XIRP2: variants seen among roughly 807,000 people sequenced by gnomAD.
XIRP2 encodes the protein xin actin-binding repeat-containing protein 2.
Under a neutral mutation model 277.0 loss-of-function variants are expected in XIRP2, and 236 were observed. That is an observed-to-expected ratio of 0.85 (90% CI 0.77 to 0.95). The LOEUF is 0.95. Among genes scored for constraint, XIRP2 ranks in the 40% least tolerant of loss-of-function variants. The probability of loss-of-function intolerance (pLI) is 0.00; values close to 1 mark genes in which losing one functional copy is unlikely to be tolerated. For synonymous variants in XIRP2, 1,490 were observed against 1,416.5 expected (o/e 1.05, Z -1.17); for missense variants, 4,640 against 4,157.5 (o/e 1.12, Z -3.19).
intron 2 of XIRP2, among the ~76,000 whole-genome samples, chr2:166,987,218 T>C (rs1250830701): frequency 6.6e-6 from 1 of 152,138 alleles, no homozygotes; most frequent in Non-Finnish European, 1.5e-5. Context: ...ACTACCTGAG[T>C]CACTTTTGTC....
In XIRP2 at chr2:167,249,365, A is replaced by G. The variant is rs1366411520; in HGVS notation, c.7973A>G (p.Glu2658Gly). 6.2e-7 allele frequency: 1 copy of G among 1,613,796 alleles called. No homozygotes were observed. The highest frequency in any genetic ancestry group is 1.7e-5 in the Admixed American group (1 of 59,968). ...ASEDKDKMKKEVLQSSRDIMQ... is the reference protein window; with the variant it reads ...ASEDKDKMKKGVLQSSRDIMQ... Reference sequence around the variant, plus strand: ...GAAGACAAAGATAAGATGAAAAAGGAAGTTTTACAAAGCTCAAGGGACATT... The same window carrying G: ...GAAGACAAAGATAAGATGAAAAAGGGAGTTTTACAAAGCTCAAGGGACATT... Residue 2658 changes from glutamate (E) to glycine (G), a missense_variant, in exon 9 of 11, where the codon GAA (glutamate) becomes GGA (glycine). Transcript: ENST00000409195.
At chr2:167,201,343 A>G (rs1009501634) in intron 3 of XIRP2, among the ~76,000 whole-genome samples, 2 of 151,178 alleles carry the variant, frequency 1.3e-5, no homozygotes, top group African/African-American at 2.4e-5. Context: ...GAAGGAAGGA[A>G]AGAAGGAAGG....
At chr2:167,034,394 CAA>C in intron 2 of XIRP2, among the ~76,000 whole-genome samples, 1 of 150,714 alleles carries the variant, frequency 6.6e-6, no homozygotes, top group South Asian at 2.1e-4. Flanking sequence ...CACAGAATAA[CAA>C]AAGAAATCAC....
In XIRP2 at chr2:167,258,897, C is replaced by T. The variant is rs199645572; in HGVS notation, c.*1080C>T. ...CTAGCAATGGCTCTGAAGAAACAGA[C>T]TGACAGAGCAGCTGCTGGCAGTCCT... is the stretch of plus-strand genomic sequence containing the variant. On this transcript the variant is annotated 3_prime_UTR_variant, in exon 11 of 11. Coordinates refer to ENST00000409195, the MANE Select transcript of XIRP2 (RefSeq NM_152381.6). The T allele has an allele frequency of 1.3e-4, 217 of 1,612,834 alleles. No homozygotes were observed. Among genetic ancestry groups the T allele is most frequent in the Non-Finnish European group, 1.8e-4 (209 of 1,179,604 alleles).
intron 3 of XIRP2, among the ~76,000 whole-genome samples, chr2:167,171,199 C>T (rs1450598378): frequency 2.0e-5 from 3 of 152,138 alleles, no homozygotes. Context: ...TGCACCCGCC[C>T]TCTTTATTTT....
At chr2:167,075,238 A>G (rs1204394013) in intron 2 of XIRP2, among the ~76,000 whole-genome samples, 1 of 152,126 alleles carries the variant, frequency 6.6e-6, no homozygotes, top group Non-Finnish European at 1.5e-5. Context: ...AAAGGCAGGG[A>G]AAAAGCATGA....
chr2:167,064,227 T>G (rs1689243877), intron 2 of XIRP2, among the ~76,000 whole-genome samples: 1 of 151,904 alleles, frequency 6.6e-6, no homozygotes, highest in Non-Finnish European at 1.5e-5. Context: ...TAATTTTTAA[T>G]GATCCAATTT....
intron 3 of XIRP2, among the ~76,000 whole-genome samples, chr2:167,208,411 C>T (rs1693920506): frequency 6.6e-6 from 1 of 152,150 alleles, no homozygotes; most frequent in Non-Finnish European, 1.5e-5. Context: ...GGGTTCACGC[C>T]ATTCTCCTGC....
Position 167,247,752 on chromosome 2 carries a change from C to T in XIRP2, c.6360C>T (p.Thr2120=), listed in dbSNP as rs754338889. ...ATTCCATCCAATCTGCTGGTAAAAC[C>T]GTTGGAAAGCAACAGACATATGAAC... is the stretch of plus-strand genomic sequence containing the variant. The part of the protein sequence containing the change: ...VFNSIQSAGK[T]VGKQQTYELR... Residue 2120 remains threonine, a synonymous_variant, in exon 9 of 11, where the codon ACC becomes ACT. Coordinates refer to ENST00000409195, the MANE Select transcript of XIRP2 (RefSeq NM_152381.6). 13 of 1,613,244 alleles carry T rather than the reference C, an allele frequency of 8.1e-6. No individual in the cohort carries two copies. Among genetic ancestry groups the T allele is most frequent in the Middle Eastern group, 1.6e-4 (1 of 6,076 alleles).
intron 2 of XIRP2, among the ~76,000 whole-genome samples, chr2:167,102,632 T>C (rs562171097): frequency 4.5e-4 from 69 of 152,274 alleles, no homozygotes; most frequent in African/African-American, 1.6e-3. Flanking sequence ...TTAGATAGAA[T>C]AAAAAGTGTA....
At position 167,249,224 on chromosome 2, in the gene XIRP2, G is replaced by GC. The variant is rs779446924; in HGVS notation, c.7835dup (p.Gly2613ArgfsTer5). 29 of 1,613,688 alleles carry GC rather than the reference G, an allele frequency of 1.8e-5. No individual in the cohort carries two copies. Among genetic ancestry groups the GC allele is most frequent in the Non-Finnish European group, 2.4e-5 (28 of 1,179,770 alleles). On this transcript the variant is annotated frameshift_variant, in exon 9 of 11. Coordinates refer to ENST00000409195, the MANE Select transcript of XIRP2 (RefSeq NM_152381.6). LOFTEE classifies it high-confidence loss of function. ...TCAGAATGCACTGTGGTTCAACCCA[G>GC]CCCAGGCTCTCAAAGTAATGCTCGG...
intron 2 of XIRP2, among the ~76,000 whole-genome samples, chr2:166,983,815 T>C (rs143939950): frequency 6.0e-4 from 91 of 152,344 alleles, no homozygotes; most frequent in Non-Finnish European, 1.1e-3. Context: ...AGAATGACTA[T>C]GATTTATTGT....
chr2:167,177,866 GATT>G (rs1464079413), intron 3 of XIRP2, among the ~76,000 whole-genome samples: 4 of 152,048 alleles, frequency 2.6e-5, no homozygotes, highest in Non-Finnish European at 5.9e-5. Context: ...ACAGGTTTGA[GATT>G]ATTGATTGCA....
At chr2:166,998,356 G>T (rs371188362) in intron 2 of XIRP2, among the ~76,000 whole-genome samples, 1 of 152,076 alleles carries the variant, frequency 6.6e-6, no homozygotes, top group South Asian at 2.1e-4. Context: ...ACCAAAACTC[G>T]GCCAGGAGCA....
chr2:167,059,461 A>G (rs1359753828), intron 2 of XIRP2, among the ~76,000 whole-genome samples: 1 of 141,946 alleles, frequency 7.0e-6, no homozygotes, highest in Non-Finnish European at 1.6e-5. Flanking sequence ...AAAATAAAAT[A>G]AAATAAAATA....
intron 3 of XIRP2, among the ~76,000 whole-genome samples, chr2:167,159,829 A>G (rs555939640): frequency 6.6e-6 from 1 of 152,310 alleles, no homozygotes; most frequent in Admixed American, 6.5e-5. Flanking sequence ...TTATTATCAT[A>G]TATTATTTAG....
At chr2:167,078,660 C>G (rs1689643896) in intron 2 of XIRP2, among the ~76,000 whole-genome samples, 1 of 151,862 alleles carries the variant, frequency 6.6e-6, no homozygotes, top group South Asian at 2.1e-4. Context: ...CATGGTGAAA[C>G]CCTGTCTCTA....
At chr2:167,114,798 A>ATTC (rs1284575987) in intron 2 of XIRP2, among the ~76,000 whole-genome samples, 3 of 152,078 alleles carry the variant, frequency 2.0e-5, no homozygotes, top group South Asian at 2.1e-4. Flanking sequence ...TGGCTGCATA[A>ATTC]TATTCCATGG....
intron 2 of XIRP2, among the ~76,000 whole-genome samples, chr2:167,034,798 T>C (rs1021521817): frequency 6.6e-6 from 1 of 152,184 alleles, no homozygotes; most frequent in Admixed American, 6.5e-5. Flanking sequence ...CAAATATTAT[T>C]TGTGGTAAAG....
Sources: allele counts gnomAD v4.1 joint callset (sites outside exome capture counted in the v4.1 genomes callset), GRCh38; gene constraint gnomAD v4.1.1; transcripts MANE v1.5; gene names NCBI Gene and HGNC (gene_info 2026-07-23, HGNC 2026-07-21).